The following UNC5D variants were observed in gnomAD, a reference collection of about 807,000 sequenced individuals.
UNC5D encodes netrin receptor UNC5D.
In UNC5D, 39 loss-of-function variants were observed where a neutral mutation model predicts 105.4. The observed-to-expected ratio is 0.37, with a 90% CI of 0.29 to 0.48. UNC5D has a LOEUF of 0.48. UNC5D is among the 20% of genes least tolerant of loss of function. The pLI is 0.98. For synonymous variants in UNC5D, 452 were observed against 450.4 expected (o/e 1.00, Z -0.04); for missense variants, 991 against 1,202.4 (o/e 0.82, Z 2.60).
At chr8:35,370,157 G>A (rs1273342485) in intron 1 of UNC5D, among the ~76,000 whole-genome samples, 1 of 152,114 alleles carries the variant, frequency 6.6e-6, no homozygotes, top group East Asian at 1.9e-4. Flanking sequence ...TGAACCTAGT[G>A]AAATATGACT....
chr8:35,500,374 A>G (rs1811885074), intron 1 of UNC5D, among the ~76,000 whole-genome samples: 1 of 152,156 alleles, frequency 6.6e-6, no homozygotes, highest in Non-Finnish European at 1.5e-5. Flanking sequence ...AGTGACACTA[A>G]CCCATTCATG....
At chr8:35,591,099 C>T (rs1311891745) in intron 3 of UNC5D, among the ~76,000 whole-genome samples, 1 of 151,834 alleles carries the variant, frequency 6.6e-6, no homozygotes, top group African/African-American at 2.4e-5. Flanking sequence ...AGTTGTTTTT[C>T]ATTGGTTAGT....
chr8:35,725,958 G>A (rs1030090772), intron 9 of UNC5D, among the ~76,000 whole-genome samples, 194 bp from the exon 10 acceptor site: 5 of 152,150 alleles, frequency 3.3e-5, no homozygotes, highest in Admixed American at 1.3e-4. Flanking sequence ...GAGAATGGAC[G>A]GTGGAAGCCA....
chr8:35,617,233 T>C (rs917784381), intron 4 of UNC5D, among the ~76,000 whole-genome samples: 2 of 152,212 alleles, frequency 1.3e-5, no homozygotes, highest in African/African-American at 4.8e-5. Context: ...GCTCTGTGTA[T>C]CATCTGTTTA....
chr8:35,373,168 G>T (rs74909495), intron 1 of UNC5D, among the ~76,000 whole-genome samples: 3,341 of 152,232 alleles, frequency 0.022, 50 homozygotes, highest in Non-Finnish European at 0.035. Context: ...CATCACTAAT[G>T]CTCAGCCTAT....
At chr8:35,786,191 A>G (rs895813369) in intron 16 of UNC5D, among the ~76,000 whole-genome samples, 11 of 152,196 alleles carry the variant, frequency 7.2e-5, no homozygotes, top group Admixed American at 5.2e-4. Flanking sequence ...TGATTCTACT[A>G]TTTTTAATAA....
At chr8:35,709,337 C>T (rs772991749) in intron 8 of UNC5D, among the ~76,000 whole-genome samples, 42 of 152,142 alleles carry the variant, frequency 2.8e-4, no homozygotes, top group Non-Finnish European at 5.1e-4. Context: ...GGGTGGGGGG[C>T]TCTGACAGGG....
intron 4 of UNC5D, among the ~76,000 whole-genome samples, chr8:35,609,809 G>T (rs1346371122): frequency 6.6e-6 from 1 of 152,134 alleles, no homozygotes; most frequent in Non-Finnish European, 1.5e-5. Flanking sequence ...GGCTCATGGG[G>T]TCACCACTGG....
At chr8:35,633,933 G>T (rs1349609201) in intron 4 of UNC5D, among the ~76,000 whole-genome samples, 6 of 152,208 alleles carry the variant, frequency 3.9e-5, no homozygotes, top group Non-Finnish European at 5.9e-5. Flanking sequence ...GAATGCGAAA[G>T]ATATAATCTT....
At chr8:35,474,693 A>T (rs1809962990) in intron 1 of UNC5D, among the ~76,000 whole-genome samples, 1 of 152,130 alleles carries the variant, frequency 6.6e-6, no homozygotes. Flanking sequence ...TGAGTTCTGG[A>T]TGGAGAGGGT....
chr8:35,544,488 CTGGGACTTCCGGGTTCCTGT>C, intron 1 of UNC5D: 2 of 1,613,284 alleles, frequency 1.2e-6, no homozygotes, highest in Non-Finnish European at 1.7e-6. Flanking sequence ...GATGTCTGTG[CTGGGACTTCCGGGTTCCTGT>C]TGGACTTTTC....
intron 1 of UNC5D, among the ~76,000 whole-genome samples, chr8:35,323,460 C>A (rs760977307): frequency 6.6e-6 from 1 of 152,038 alleles, no homozygotes; most frequent in Non-Finnish European, 1.5e-5. Flanking sequence ...GCCCCAACCC[C>A]CTTTAGTCTG....
At chr8:35,418,662 C>A (rs1212731684) in intron 1 of UNC5D, among the ~76,000 whole-genome samples, 1 of 152,196 alleles carries the variant, frequency 6.6e-6, no homozygotes, top group Non-Finnish European at 1.5e-5. Context: ...ATTGGGAGAA[C>A]CTCATTAAGG....
At chr8:35,264,112 A>G (rs1030204988) in intron 1 of UNC5D, among the ~76,000 whole-genome samples, 3 of 152,234 alleles carry the variant, frequency 2.0e-5, no homozygotes, top group East Asian at 3.9e-4. Flanking sequence ...TTTGTAAGAT[A>G]AAGTAGCATT....
At chr8:35,577,935 A>G (rs1270741789) in intron 3 of UNC5D, among the ~76,000 whole-genome samples, 1 of 152,006 alleles carries the variant, frequency 6.6e-6, no homozygotes. Flanking sequence ...ATATCCTTAG[A>G]AAAATGTGAC....
At chr8:35,683,831 G>C in intron 5 of UNC5D, 104 bp downstream of exon 5, 2 of 1,189,642 alleles carry the variant, frequency 1.7e-6, no homozygotes, top group Non-Finnish European at 1.1e-6. Flanking sequence ...AAAGACCTTG[G>C]GGTTCATTCA....
intron 1 of UNC5D, among the ~76,000 whole-genome samples, chr8:35,367,640 T>C (rs1043856942): frequency 6.6e-6 from 1 of 151,100 alleles, no homozygotes; most frequent in African/African-American, 2.5e-5. Context: ...ATATGGCAAA[T>C]ATAAAAATAG....
intron 1 of UNC5D, among the ~76,000 whole-genome samples, chr8:35,490,732 A>G (rs191670111): frequency 2.6e-5 from 4 of 152,270 alleles, no homozygotes; most frequent in Middle Eastern, 3.4e-3. Flanking sequence ...CATCTTAAAC[A>G]TTACTATTTT....
intron 3 of UNC5D, among the ~76,000 whole-genome samples, chr8:35,573,937 C>T (rs1817923693): frequency 6.6e-6 from 1 of 152,128 alleles, no homozygotes; most frequent in Admixed American, 6.5e-5. Context: ...ATAAAGCCAA[C>T]CTACATTTAC....
Sources: allele counts gnomAD v4.1 joint callset (sites outside exome capture counted in the v4.1 genomes callset), GRCh38; gene constraint gnomAD v4.1.1; transcripts MANE v1.5; gene names NCBI Gene and HGNC (gene_info 2026-07-23, HGNC 2026-07-21).